RNF103: variants seen among roughly 807,000 people sequenced by gnomAD.
The protein encoded by RNF103 is E3 ubiquitin-protein ligase RNF103.
Under a neutral mutation model 66.2 loss-of-function variants are expected in RNF103, and 23 were observed. That is an observed-to-expected ratio of 0.35 (90% confidence interval 0.25 to 0.49). The LOEUF (loss-of-function observed/expected upper bound fraction) is 0.49. Ranked by LOEUF, RNF103 falls within the 20% of genes least tolerant of loss-of-function variation. RNF103 has a pLI of 0.98. For synonymous variants in RNF103, 297 were observed against 289.9 expected (o/e 1.02, Z -0.25); for missense variants, 730 against 814.7 (o/e 0.90, Z 1.27).
chr2:86,605,734 T>C (rs545763888), intron 3 of RNF103, among the ~76,000 whole-genome samples: 1 of 152,084 alleles, frequency 6.6e-6, no homozygotes, highest in South Asian at 2.1e-4. Context: ...AGAAAATAAT[T>C]CATGTTCAGA....
intron 1 of RNF103, among the ~76,000 whole-genome samples, chr2:86,622,027 G>A (rs1252074294): frequency 1.4e-5 from 2 of 147,140 alleles, no homozygotes; most frequent in African/African-American, 4.9e-5. Context: ...ACACATCCAA[G>A]ATGCAAATTT....
chr2:86,605,752 T>TAA (rs1285258025), intron 3 of RNF103, among the ~76,000 whole-genome samples: 8 of 151,000 alleles, frequency 5.3e-5, no homozygotes. Flanking sequence ...AGAAGGAATT[T>TAA]AAAATCCTAT....
chr2:86,620,886 T>G (rs995469137), intron 1 of RNF103, among the ~76,000 whole-genome samples: 1 of 152,140 alleles, frequency 6.6e-6, no homozygotes, highest in Non-Finnish European at 1.5e-5. Flanking sequence ...TTAAAAGATG[T>G]AGAATTGGGT....
chr2:86,618,726 A>C (rs1679115253), intron 2 of RNF103: 2 of 152,134 alleles, frequency 1.3e-5, no homozygotes, highest in Admixed American at 6.5e-5. Flanking sequence ...GGGACTGGCT[A>C]TTCAATTCAT....
chr2:86,620,539 T>C lies in RNF103; in HGVS notation c.227-70A>G, dbSNP rs555092811. On this transcript the variant is annotated intron_variant, in intron 1 of 3. Coordinates refer to ENST00000237455, the MANE Select transcript of RNF103 (RefSeq NM_005667.4). ...TAGATTCCCAATTTCAGTAATTCTA[T>C]TTTTTACACTGTTAAGAATCATGAT... is the stretch of plus-strand genomic sequence containing the variant. The C allele has an allele frequency of 2.1e-6, 3 of 1,431,090 alleles. No homozygotes were observed. The East Asian group carries it at 7.1e-5, about 34-fold the overall frequency. 88.6% of individuals were successfully genotyped at this position (1,431,090 alleles called of 1,614,324 possible).
rs1380512293 is a variant in RNF103 at position 86,623,701 on chromosome 2, A to T, written c.-815T>A. On this transcript the variant is annotated 5_prime_UTR_variant, in exon 1 of 4. Coordinates refer to ENST00000237455, the MANE Select transcript of RNF103 (RefSeq NM_005667.4). ...TAATAGGCCCCGAGACTGCTCCTCC[A>T]GGCGGCTACCCGGCTGCCTCCCGGC... is the stretch of plus-strand genomic sequence containing the variant. 1 of 1,239,426 alleles carries T rather than the reference A, an allele frequency of 8.1e-7. No homozygotes were observed. Among genetic ancestry groups the T allele is most frequent in the African/African-American group, 1.6e-5 (1 of 61,332 alleles). 76.8% of individuals were successfully genotyped at this position (1,239,426 alleles called of 1,614,324 possible). A position where few individuals can be genotyped will look rare whatever the true frequency, so the allele number is the denominator to read the frequency against.
At position 86,623,597 on chromosome 2, in the gene RNF103, G is replaced by T; in HGVS notation, c.-711C>A. ...GGCTGGCGGGCGGCGCCTCTCAGGC[G>T]GGCGGGCACTGCGGCCCGGCCCAGG... On this transcript the variant is annotated 5_prime_UTR_variant, in exon 1 of 4. Coordinates refer to ENST00000237455, the MANE Select transcript of RNF103 (RefSeq NM_005667.4). 2.0e-6 allele frequency: 2 copies of T among 1,010,086 alleles called. No homozygotes were observed. The highest frequency in any genetic ancestry group is 2.4e-6 in the Non-Finnish European group (2 of 843,328). 62.6% of individuals were successfully genotyped at this position (1,010,086 alleles called of 1,614,324 possible). A position where few individuals can be genotyped will look rare whatever the true frequency, so the allele number is the denominator to read the frequency against.
In RNF103 at chr2:86,604,064, C is replaced by T; in HGVS notation, c.1837G>A (p.Ala613Thr). The T allele has an allele frequency of 6.2e-7, 1 of 1,613,930 alleles. No individual in the cohort carries two copies. Among genetic ancestry groups the T allele is most frequent in the South Asian group, 1.1e-5 (1 of 91,080 alleles). Reference sequence around the variant, plus strand: ...CATTCAGTACAGTGCAGCATATCAGCAGGCCAAGTTAACCAATCAGGTTCC... The same window carrying T: ...CATTCAGTACAGTGCAGCATATCAGTAGGCCAAGTTAACCAATCAGGTTCC... Reference protein sequence around the residue: ...DMEPDWLTWPADMLHCTECVV... With the variant: ...DMEPDWLTWPTDMLHCTECVV... The change falls in exon 4 of 4, where the codon GCT becomes ACT. Residue 613 changes from alanine (A) to threonine (T), a missense_variant. This residue lies in a region of RNF103 where 355 missense variants were observed against 351.9 expected (regional missense o/e 1.01). Transcript: ENST00000237455.
chr2:86,616,486 A>T (rs1336765022), intron 2 of RNF103: 36 of 977,412 alleles, frequency 3.7e-5, no homozygotes, highest in South Asian at 4.7e-5. Flanking sequence ...TTTTACCAAT[A>T]CAAAATATAA....
chr2:86,611,556 A>C (rs1054422250), intron 3 of RNF103, among the ~76,000 whole-genome samples: 4 of 152,172 alleles, frequency 2.6e-5, no homozygotes, highest in Non-Finnish European at 5.9e-5. Flanking sequence ...AAATGATGAC[A>C]AAAAAACAAA....
intron 2 of RNF103, chr2:86,615,162 A>C (rs185562384): frequency 1.0e-6 from 1 of 985,430 alleles, no homozygotes; most frequent in African/African-American, 1.7e-5. Context: ...TACCTGGGGC[A>C]GGTACAAGAC....
At position 86,605,033 on chromosome 2, in the gene RNF103, G is replaced by GT; in HGVS notation, c.867dup (p.Leu290ThrfsTer2). ...CTGTAAATTCCTTCAGGAGTTCTAA[G>GT]TATGTATGATGGCATATTATATATG... is the stretch of plus-strand genomic sequence containing the variant. On this transcript the variant is annotated frameshift_variant, in exon 4 of 4. Coordinates refer to ENST00000237455, the MANE Select transcript of RNF103 (RefSeq NM_005667.4). LOFTEE classifies it high-confidence loss of function. 6.2e-7 allele frequency: 1 copy of GT among 1,614,052 alleles called. No homozygotes were observed. The highest frequency in any genetic ancestry group is 8.5e-7 in the Non-Finnish European group (1 of 1,179,994).
chr2:86,605,497 C>G, intron 3 of RNF103, 79 bp from the exon 4 acceptor site: 3 of 1,449,828 alleles, frequency 2.1e-6, no homozygotes, highest in Non-Finnish European at 2.8e-6. Context: ...TTCTTTAGCA[C>G]CTCACCCCAA....
chr2:86,606,620 G>A lies in RNF103; in HGVS notation c.483-1202C>T, dbSNP rs1259803083. On this transcript the variant is annotated intron_variant, in intron 3 of 3. Transcript: ENST00000237455. Reference sequence around the variant, plus strand: ...AGAGGGTGCAGTGAGCCGAGATCACGCCACTGCACTCCAGCCTGGGCGACA... The same window carrying A: ...AGAGGGTGCAGTGAGCCGAGATCACACCACTGCACTCCAGCCTGGGCGACA... Among the ~76,000 whole-genome samples the A allele has an allele frequency of 9.1e-5, 12 of 131,854 alleles. No individual in the cohort carries two copies. The South Asian group carries it at 1.2e-3, about 13-fold the overall frequency. The allele number at this position is 131,854 out of a possible 152,430, so 86.5% of individuals were successfully genotyped here.
intron 3 of RNF103, among the ~76,000 whole-genome samples, chr2:86,608,599 G>A (rs183396859): frequency 1.4e-4 from 21 of 150,186 alleles, no homozygotes; most frequent in Admixed American, 1.0e-3. Flanking sequence ...GGTTTTCCTC[G>A]CTCTCTCTGC....
chr2:86,616,380 CA>C (rs1470702530), intron 2 of RNF103: 1 of 661,718 alleles, frequency 1.5e-6, no homozygotes, highest in Non-Finnish European at 1.9e-6. Context: ...TATATACATG[CA>C]AACTATATAA....
At chr2:86,608,508 AAAG>A (rs1347332153) in intron 3 of RNF103, among the ~76,000 whole-genome samples, 1 of 151,022 alleles carries the variant, frequency 6.6e-6, no homozygotes, top group Non-Finnish European at 1.5e-5. Flanking sequence ...AAAAAAAAAA[AAAG>A]GAAGAAAGGA....
intron 2 of RNF103, chr2:86,614,668 T>C (rs575875423): frequency 2.7e-6 from 2 of 753,448 alleles, no homozygotes; most frequent in East Asian, 1.3e-4. Flanking sequence ...CAGGCGCCTA[T>C]TGCCTCTTGT....
rs1678426744 is a variant in RNF103, at chr2:86,603,591, C to A, written c.*252G>T. On this transcript the variant is annotated 3_prime_UTR_variant, in exon 4 of 4. Coordinates refer to ENST00000237455, the MANE Select transcript of RNF103 (RefSeq NM_005667.4). ...GCTAGGATAAATTTCTATAATACTT[C>A]TTTTGTGCTTACAAAAAAACATTAA... 2.0e-6 allele frequency: 1 copy of A among 489,116 alleles called. No homozygotes were observed. The highest frequency in any genetic ancestry group is 2.0e-5 in the African/African-American group (1 of 50,324). 30.3% of individuals were successfully genotyped at this position (489,116 alleles called of 1,614,324 possible). A position where few individuals can be genotyped will look rare whatever the true frequency, so the allele number is the denominator to read the frequency against.
Sources: allele counts gnomAD v4.1 joint callset (sites outside exome capture counted in the v4.1 genomes callset), GRCh38; gene constraint gnomAD v4.1.1; regional missense constraint gnomAD v4.1.1; transcripts MANE v1.5; gene names NCBI Gene and HGNC (gene_info 2026-07-23, HGNC 2026-07-21).